PITPNM3: variants seen among roughly 807,000 people sequenced by gnomAD.
PITPNM3 encodes PITPNM family member 3.
A neutral mutation model predicts 102.0 loss-of-function variants in PITPNM3; 26 were observed. The ratio of observed to expected loss-of-function variants is 0.25; its 90% CI spans 0.19 to 0.35. The LOEUF (loss-of-function observed/expected upper bound fraction) is 0.35, where lower values mean the gene tolerates loss of function less well. Among genes scored for constraint, PITPNM3 ranks in the 10% least tolerant of loss-of-function variants. The pLI, the probability that PITPNM3 is intolerant of heterozygous loss-of-function variation, is 1.00. For synonymous variants in PITPNM3, 578 were observed against 558.6 expected (o/e 1.03, Z -0.49); for missense variants, 1,083 against 1,346.1 (o/e 0.80, Z 3.06).
At position 6,472,563 on chromosome 17, in the gene PITPNM3, TG is replaced by T; in HGVS notation, c.1429+93del. 2.7e-6 allele frequency: 4 copies of T among 1,470,320 alleles called. No homozygotes were observed. The highest frequency in any genetic ancestry group is 3.7e-6 in the Non-Finnish European group (4 of 1,075,304). 91.1% of individuals were successfully genotyped at this position (1,470,320 alleles called of 1,614,324 possible). A position where few individuals can be genotyped will look rare whatever the true frequency, so the allele number is the denominator to read the frequency against. On this transcript the variant is annotated intron_variant, in intron 11 of 19. Transcript: ENST00000262483. The surrounding 1 kb of genome is among the most constrained non-coding windows in gnomAD (Gnocchi z 4.1). ...TCTGTTCTCACAGCCCCTGCTCAGG[TG>T]AGTCACCCTACTCACTGAGAGCTTG...
chr17:6,482,026 CTCTCTCTCTG>C lies in PITPNM3; in HGVS notation c.587+1481_587+1490del, dbSNP rs1567670259. On this transcript the variant is annotated intron_variant, in intron 6 of 19. Transcript: ENST00000262483. Reference sequence around the variant, plus strand: ...TCTCTCTCTCTCTCTCTCTCTCTCTCTCTCTCTCTGTCTGTCTCTCTCTCTCTCTCTCTCT... The same window carrying C: ...TCTCTCTCTCTCTCTCTCTCTCTCTCTCTGTCTCTCTCTCTCTCTCTCTCT... Among the ~76,000 whole-genome samples the C allele has an allele frequency of 2.8e-3, 305 of 108,600 alleles. 3 individuals carry two copies. The highest frequency in any genetic ancestry group is 3.4e-3 in the African/African-American group (81 of 23,964). 71.2% of individuals were successfully genotyped at this position (108,600 alleles called of 152,430 possible). A position where few individuals can be genotyped will look rare whatever the true frequency, so the allele number is the denominator to read the frequency against.
At chr17:6,535,744 C>T (rs1037957772) in intron 2 of PITPNM3, among the ~76,000 whole-genome samples, 2 of 151,642 alleles carry the variant, frequency 1.3e-5, no homozygotes, top group Non-Finnish European at 2.9e-5. Context: ...CATGGTGAAA[C>T]CCTGTCTCTA....
chr17:6,491,216 G>A (rs892569550), intron 4 of PITPNM3, among the ~76,000 whole-genome samples: 2 of 151,654 alleles, frequency 1.3e-5, no homozygotes, highest in Admixed American at 6.6e-5. Context: ...AGATAGGGTC[G>A]CTGGACCAGC....
Position 6,455,304 on chromosome 17 carries a change from C to T in PITPNM3, c.*34G>A, listed in dbSNP as rs189434615. The T allele has an allele frequency of 3.9e-6, 6 of 1,531,208 alleles. No homozygotes were observed. The highest frequency in any genetic ancestry group is 2.8e-5 in the African/African-American group (2 of 72,068). 94.9% of individuals were successfully genotyped at this position (1,531,208 alleles called of 1,614,324 possible). A position where few individuals can be genotyped will look rare whatever the true frequency, so the allele number is the denominator to read the frequency against. On this transcript the variant is annotated 3_prime_UTR_variant, in exon 20 of 20. Transcript: ENST00000262483. ...CGTCCCCGCAGGCAGCCTGATTGGG[C>T]CCCCCGCTCCCTGCTCTGAGCACAG...
intron 6 of PITPNM3, chr17:6,480,629 G>T (rs1412186249): frequency 6.6e-6 from 1 of 152,254 alleles, no homozygotes. Flanking sequence ...GGTCCTGTGA[G>T]GGGGACAGGC....
chr17:6,474,035 G>A (rs1905183626), intron 10 of PITPNM3, among the ~76,000 whole-genome samples: 2 of 151,846 alleles, frequency 1.3e-5, no homozygotes, highest in African/African-American at 2.4e-5. Context: ...ACCTGAGGTG[G>A]GCTTGGGGAT....
Position 6,451,736 on chromosome 17 carries a change from C to G in PITPNM3, c.*3602G>C, listed in dbSNP as rs1161587876. The G allele has an allele frequency of 6.6e-6, 1 of 152,186 alleles. No homozygotes were observed. Among genetic ancestry groups the G allele is most frequent in the Non-Finnish European group, 1.5e-5 (1 of 68,060 alleles). 9.4% of individuals were successfully genotyped at this position (152,186 alleles called of 1,614,324 possible). The stretch of plus-strand genomic sequence containing the variant: ...TCAACAAGGAGAGCAGAGCCCAGGT[C>G]AGGCCTCACTGCTTGGACTTAACCC... On this transcript the variant is annotated 3_prime_UTR_variant, in exon 20 of 20. Transcript: ENST00000262483.
chr17:6,471,966 C>T (rs765197263), intron 11 of PITPNM3, among the ~76,000 whole-genome samples: 12 of 152,142 alleles, frequency 7.9e-5, no homozygotes, highest in Non-Finnish European at 1.6e-4. Flanking sequence ...AATCCTGAAT[C>T]GGCCCCATGC....
chr17:6,520,086 T>G (rs4128287), intron 3 of PITPNM3, among the ~76,000 whole-genome samples: 21,162 of 152,130 alleles, frequency 0.14, 3,903 homozygotes, highest in African/African-American at 0.43. Context: ...AAAGAAAATA[T>G]GATCAGTCAA....
intron 8 of PITPNM3, among the ~76,000 whole-genome samples, chr17:6,477,486 C>T (rs910858464): frequency 6.6e-6 from 1 of 152,192 alleles, no homozygotes; most frequent in Non-Finnish European, 1.5e-5. Flanking sequence ...AGTTTCCACA[C>T]CTGTCATAAT....
At chr17:6,503,407 A>G in intron 4 of PITPNM3, 120 bp downstream of exon 4, 1 of 1,202,170 alleles carries the variant, frequency 8.3e-7, no homozygotes. Context: ...GCCTGCAGGC[A>G]AGATGGCAGG....
rs1362000154 is a variant in PITPNM3 at position 6,478,032 on chromosome 17, C to A, written c.843G>T (p.Gly281=). 6.2e-7 allele frequency: 1 copy of A among 1,613,620 alleles called. No homozygotes were observed. Among genetic ancestry groups the A allele is most frequent in the Non-Finnish European group, 8.5e-7 (1 of 1,180,040 alleles). The change falls in exon 8 of 20, where the codon GGG becomes GGT. Residue 281 remains glycine (G), a synonymous_variant. Transcript: ENST00000262483. This position sits in a 1 kb window ranked among gnomAD's most constrained non-coding sequence, Gnocchi z 4.4. ...LAFDAICYSA[G]PSGDSPASSS... ...TGCTGGCAGGGCTGTCCCCTGAGGG[C>A]CCCGCACTGTAGCAGATGGCATCGA...
intron 1 of PITPNM3, among the ~76,000 whole-genome samples, chr17:6,547,864 G>A (rs1248627791): frequency 6.6e-6 from 1 of 152,060 alleles, no homozygotes; most frequent in East Asian, 1.9e-4. Context: ...AAGTAGCTGG[G>A]ATTACAGGCA....
rs1567663843 is a variant in PITPNM3, at chr17:6,470,211, T to C, written c.1773+49A>G. 6.5e-7 allele frequency: 1 copy of C among 1,543,798 alleles called. No individual in the cohort carries two copies. The highest frequency in any genetic ancestry group is 1.2e-5 in the South Asian group (1 of 85,088). Reference sequence around the variant, plus strand: ...TCCTCTCCAGCTGGAGAAGGGGCGGTACCCCCTTGGGGTGGCTGTGGGCAG... The same window carrying C: ...TCCTCTCCAGCTGGAGAAGGGGCGGCACCCCCTTGGGGTGGCTGTGGGCAG... On this transcript the variant is annotated intron_variant, in intron 13 of 19. Transcript: ENST00000262483. The surrounding 1 kb of genome is among the most constrained non-coding windows in gnomAD (Gnocchi z 4.8).
rs566416883 is a variant in PITPNM3, at chr17:6,546,769, C to T, written c.23-8687G>A. 2.6e-5 allele frequency among the ~76,000 whole-genome samples: 4 copies of T among 152,298 alleles called. No homozygotes were observed. The South Asian group carries it at 6.2e-4, about 24-fold the overall frequency. The stretch of plus-strand genomic sequence containing the variant: ...CCCGTAATCCCAGCACTTTGGGAGG[C>T]GGAGGCAGGTGGATCACCTGAAATC... On this transcript the variant is annotated intron_variant, in intron 1 of 19. Transcript: ENST00000262483.
intron 6 of PITPNM3, among the ~76,000 whole-genome samples, chr17:6,482,296 A>G (rs1450971162): frequency 2.0e-5 from 3 of 151,850 alleles, no homozygotes; most frequent in Admixed American, 6.6e-5. Flanking sequence ...GTCCAACCAC[A>G]TATCTATGTT....
intron 14 of PITPNM3, among the ~76,000 whole-genome samples, chr17:6,466,621 C>T (rs1003687514): frequency 2.6e-5 from 4 of 152,160 alleles, no homozygotes; most frequent in Admixed American, 6.5e-5. Context: ...GCGGAGAAAT[C>T]AGAATCCTCA....
At chr17:6,482,943 C>T (rs972224638) in intron 6 of PITPNM3, among the ~76,000 whole-genome samples, 1 of 151,778 alleles carries the variant, frequency 6.6e-6, no homozygotes, top group South Asian at 2.1e-4. Flanking sequence ...TCTCAACACT[C>T]CGTGTCTTTT....
At chr17:6,542,274 T>G (rs1909770941) in intron 1 of PITPNM3, among the ~76,000 whole-genome samples, 1 of 152,218 alleles carries the variant, frequency 6.6e-6, no homozygotes, top group Non-Finnish European at 1.5e-5. Context: ...TAAATGGATG[T>G]CTACATTCCT....
Sources: allele counts gnomAD v4.1 joint callset (sites outside exome capture counted in the v4.1 genomes callset), GRCh38; gene constraint gnomAD v4.1.1; non-coding constraint Gnocchi (gnomAD v3.1); transcripts MANE v1.5; gene names NCBI Gene and HGNC (gene_info 2026-07-23, HGNC 2026-07-21).